The following LIN7A variants were observed in gnomAD, a reference collection of about 807,000 sequenced individuals.
The protein encoded by LIN7A is protein lin-7 homolog A.
A neutral mutation model predicts 29.8 loss-of-function variants in LIN7A; 25 were observed. The observed-to-expected ratio is 0.84, with a 90% CI of 0.61 to 1.17. The LOEUF is 1.17. Among genes scored for constraint, LIN7A ranks in the 50% most tolerant of loss-of-function variants. The pLI is 0.00. For synonymous variants in LIN7A, 118 were observed against 107.5 expected, an observed-to-expected ratio of 1.10 and a Z score of -0.60; for missense variants, 239 against 287.0, an observed-to-expected ratio of 0.83 and a Z score of 1.21.
intron 1 of LIN7A, among the ~76,000 whole-genome samples, chr12:80,925,294 G>A (rs186570110): frequency 1.3e-5 from 2 of 152,342 alleles, no homozygotes; most frequent in East Asian, 3.9e-4. Context: ...GGCAAGAGCA[G>A]AATGGCAAAT....
intron 4 of LIN7A, among the ~76,000 whole-genome samples, chr12:80,841,408 G>GA (rs555050447): frequency 1.1e-4 from 16 of 149,252 alleles, no homozygotes; most frequent in African/African-American, 3.0e-4. Flanking sequence ...AGGAAGGAAG[G>GA]AGGGAAAGAA....
At chr12:80,807,063 G>GTTTTTTTTTTGTTTTT (rs1871029199) in intron 5 of LIN7A, among the ~76,000 whole-genome samples, 20 of 53,588 alleles carry the variant, frequency 3.7e-4, no homozygotes, top group South Asian at 4.9e-4. Context: ...TGAAGATGGA[G>GTTTTTTTTTTGTTTTT]TTTTTTTTTT....
intron 4 of LIN7A, among the ~76,000 whole-genome samples, chr12:80,837,858 A>G (rs2121532381): frequency 6.6e-6 from 1 of 152,002 alleles, no homozygotes; most frequent in South Asian, 2.1e-4. Flanking sequence ...CATCATCATC[A>G]TCATCATCAT....
intron 2 of LIN7A, among the ~76,000 whole-genome samples, chr12:80,862,268 C>A (rs964173060): frequency 6.6e-6 from 1 of 152,076 alleles, no homozygotes; most frequent in Non-Finnish European, 1.5e-5. Flanking sequence ...GGATCTTAAC[C>A]TTTTATGTGA....
At chr12:80,878,187 T>A (rs1476212617) in intron 2 of LIN7A, among the ~76,000 whole-genome samples, 1 of 152,250 alleles carries the variant, frequency 6.6e-6, no homozygotes, top group East Asian at 1.9e-4. Context: ...TTAAGATCAC[T>A]GACCCATTAG....
chr12:80,916,449 A>G (rs906579022), intron 1 of LIN7A, among the ~76,000 whole-genome samples: 1 of 152,054 alleles, frequency 6.6e-6, no homozygotes, highest in African/African-American at 2.4e-5. Flanking sequence ...TTTGTCCAAC[A>G]CTTTAGAACA....
intron 1 of LIN7A, among the ~76,000 whole-genome samples, chr12:80,896,200 C>T (rs1251365390): frequency 6.6e-6 from 1 of 152,112 alleles, no homozygotes; most frequent in Non-Finnish European, 1.5e-5. Flanking sequence ...AGCATCCAGA[C>T]AGGAGGACAG....
At chr12:80,851,975 G>A (rs1271936028) in intron 2 of LIN7A, among the ~76,000 whole-genome samples, 2 of 152,116 alleles carry the variant, frequency 1.3e-5, no homozygotes, top group South Asian at 4.1e-4. Flanking sequence ...AAATTATAGT[G>A]AGTTGGTTCA....
At chr12:80,830,394 A>G (rs12314666) in intron 4 of LIN7A, among the ~76,000 whole-genome samples, 24,436 of 152,094 alleles carry the variant, frequency 0.16, 2,753 homozygotes, top group African/African-American at 0.31. Flanking sequence ...ATGACATTGA[A>G]TTTGTGCCCT....
Position 80,882,287 on chromosome 12 carries a change from C to CTTTTTTTTT in LIN7A, c.201+6955_201+6963dup, listed in dbSNP as rs56000415. ...ACAGTACTATCATTTTTCTTTCATT[C>CTTTTTTTTT]TTTTTTTTTTTTTTTGAGACGGAGT... is the stretch of plus-strand genomic sequence containing the variant. On this transcript the variant is annotated intron_variant, in intron 2 of 5. Coordinates refer to ENST00000552864, the MANE Select transcript of LIN7A (RefSeq NM_004664.4). Among the ~76,000 whole-genome samples, 36 of 87,686 alleles carry CTTTTTTTTT rather than the reference C, an allele frequency of 4.1e-4. 5 individuals are homozygous for CTTTTTTTTT. Among genetic ancestry groups the CTTTTTTTTT allele is most frequent in the African/African-American group, 7.6e-4 (25 of 32,986 alleles). 57.5% of individuals were successfully genotyped at this position (87,686 alleles called of 152,430 possible).
chr12:80,911,752 A>C (rs1473756685), intron 1 of LIN7A, among the ~76,000 whole-genome samples: 4 of 152,228 alleles, frequency 2.6e-5, no homozygotes, highest in Admixed American at 2.6e-4. Context: ...AAGATTAAAT[A>C]AGCTTAGCTT....
intron 4 of LIN7A, among the ~76,000 whole-genome samples, chr12:80,820,955 C>T (rs1269235859): frequency 2.0e-5 from 3 of 152,102 alleles, no homozygotes; most frequent in Non-Finnish European, 2.9e-5. Context: ...GTGTTGTGAC[C>T]GCCAGTTCTC....
At chr12:80,804,019 G>T (rs757931144) in intron 5 of LIN7A, among the ~76,000 whole-genome samples, 2 of 152,124 alleles carry the variant, frequency 1.3e-5, no homozygotes, top group African/African-American at 4.8e-5. Context: ...GCTGTGAAAT[G>T]TTAGGTACAT....
chr12:80,810,910 G>A (rs6539531), intron 5 of LIN7A, among the ~76,000 whole-genome samples: 114,950 of 152,200 alleles, frequency 0.76, 43,828 homozygotes, highest in African/African-American at 0.84. Context: ...AGGAGCATCC[G>A]CAGAGAACTT....
intron 1 of LIN7A, among the ~76,000 whole-genome samples, chr12:80,929,239 A>G (rs1877760610): frequency 6.6e-6 from 1 of 152,216 alleles, no homozygotes. Flanking sequence ...AGACACCAGT[A>G]CAATCAATAT....
At chr12:80,893,155 C>T (rs1010275031) in intron 1 of LIN7A, among the ~76,000 whole-genome samples, 1 of 151,978 alleles carries the variant, frequency 6.6e-6, no homozygotes, top group Admixed American at 6.6e-5. Flanking sequence ...TCCAGAAACC[C>T]TTGTACTCTC....
chr12:80,837,417 G>A (rs960459530), intron 4 of LIN7A, among the ~76,000 whole-genome samples: 2 of 152,228 alleles, frequency 1.3e-5, no homozygotes, highest in African/African-American at 4.8e-5. Context: ...AGGGAGGTGG[G>A]AGATTTGGCG....
intron 4 of LIN7A, among the ~76,000 whole-genome samples, chr12:80,836,173 A>G (rs1412060577): frequency 6.6e-6 from 1 of 152,166 alleles, no homozygotes; most frequent in Non-Finnish European, 1.5e-5. Context: ...TTGGCTCCCA[A>G]TCAGTTCTTC....
chr12:80,853,523 A>T (rs1030620005), intron 2 of LIN7A, among the ~76,000 whole-genome samples: 1 of 152,190 alleles, frequency 6.6e-6, no homozygotes, highest in African/African-American at 2.4e-5. Context: ...GTACATTATC[A>T]TGGAAGATAT....
Sources: allele counts gnomAD v4.1 joint callset (sites outside exome capture counted in the v4.1 genomes callset), GRCh38; gene constraint gnomAD v4.1.1; transcripts MANE v1.5; gene names NCBI Gene and HGNC (gene_info 2026-07-23, HGNC 2026-07-21).